ZNF84: variants seen among roughly 807,000 people sequenced by gnomAD.
The protein encoded by ZNF84 is zinc finger protein 84, also known as zinc finger protein HPF2.
A neutral mutation model predicts 14.8 loss-of-function variants in ZNF84; 12 were observed. The ratio of observed to expected loss-of-function variants is 0.81; its 90% confidence interval spans 0.52 to 1.31. ZNF84 has a LOEUF of 1.31. ZNF84 is among the 50% of genes most tolerant of loss of function. ZNF84 has a pLI of 0.00. For missense variants in ZNF84, 859 were observed against 878.6 expected, an observed-to-expected ratio of 0.98 and a Z score of 0.28; for synonymous variants, 347 against 291.1, an observed-to-expected ratio of 1.19 and a Z score of -1.96.
intron 2 of ZNF84, among the ~76,000 whole-genome samples, chr12:133,046,936 ATATT>A (rs1321897791): frequency 3.5e-5 from 5 of 141,516 alleles, no homozygotes; most frequent in African/African-American, 1.0e-4. Flanking sequence ...TTTTAATATA[ATATT>A]TATATTATAT....
At position 133,058,206 on chromosome 12, in the gene ZNF84, T is replaced by G; in HGVS notation, c.1491T>G (p.Ser497Arg). 6.2e-7 allele frequency: 1 copy of G among 1,612,590 alleles called. No individual in the cohort carries two copies. Among genetic ancestry groups the G allele is most frequent in the Non-Finnish European group, 8.5e-7 (1 of 1,179,656 alleles). Residue 497 changes from serine (S) to arginine (R), a missense_variant, in exon 5 of 5, where the codon AGT becomes AGG. Transcript: ENST00000539354. Reference sequence around the variant, plus strand: ...GCAGTGAGTGTGGGAAAGCTTTCAGTGAAAAATTAAGTCTCACTAATCATC... The same window carrying G: ...GCAGTGAGTGTGGGAAAGCTTTCAGGGAAAAATTAAGTCTCACTAATCATC... ...YECSECGKAFSEKLSLTNHQR... is the reference protein window; with the variant it reads ...YECSECGKAFREKLSLTNHQR...
intron 2 of ZNF84, among the ~76,000 whole-genome samples, chr12:133,047,420 C>G (rs2137365183): frequency 6.6e-6 from 1 of 152,358 alleles, no homozygotes; most frequent in East Asian, 1.9e-4. Context: ...TGCCCAGCAG[C>G]TGCCTGTCCA....
At position 133,062,790 on chromosome 12, in the gene ZNF84, T is replaced by A. The variant is rs972649863; in HGVS notation, c.*3858T>A. ...TAAACCAATGCCTATCTATCTATCA[T>A]TTCTGAAAACTTTTTCCTCCTATGC... On this transcript the variant is annotated 3_prime_UTR_variant, in exon 5 of 5. Coordinates refer to ENST00000539354, the MANE Select transcript of ZNF84 (RefSeq NM_001289971.2). 24 of 361,316 alleles carry A rather than the reference T, an allele frequency of 6.6e-5. No homozygotes were observed. The highest frequency in any genetic ancestry group is 4.1e-4 in the African/African-American group (20 of 49,376). The allele number at this position is 361,316 out of a possible 1,614,324, so 22.4% of individuals were successfully genotyped here.
At position 133,048,981 on chromosome 12, in the gene ZNF84, CATT is replaced by C. The variant is rs1212739771; in HGVS notation, c.238+134_238+136del. The C allele has an allele frequency of 3.4e-4, 217 of 640,080 alleles. 1 individual carries two copies. In the East Asian group the frequency reaches 6.1e-3, roughly 18 times the overall value. 39.7% of individuals were successfully genotyped at this position (640,080 alleles called of 1,614,324 possible). On this transcript the variant is annotated intron_variant, in intron 4 of 4. Transcript: ENST00000539354. The stretch of plus-strand genomic sequence containing the variant: ...GCTGGTCAGTGACGGGTGGGCTGGT[CATT>C]GATGGGTTGGCTGGTCAGTGATGGG...
At chr12:133,049,808 T>A (rs2137378492) in intron 4 of ZNF84, among the ~76,000 whole-genome samples, 1 of 152,306 alleles carries the variant, frequency 6.6e-6, no homozygotes, top group African/African-American at 2.4e-5. Context: ...TCCTTTCATG[T>A]TGTTTAAAAA....
chr12:133,048,706 A>T (rs117830307), intron 3 of ZNF84, 47 bp from the exon 4 acceptor site: 189,877 of 1,498,708 alleles, frequency 0.13, 13,393 homozygotes, highest in South Asian at 0.2. Flanking sequence ...GAGGCCCTAA[A>T]CCCCAAGCAG....
At position 133,047,891 on chromosome 12, in the gene ZNF84, A is replaced by G. The variant is rs983544200; in HGVS notation, c.16-64A>G. ...ATGAGAATGAAGTGCTAAAGCTCCA[A>G]TATTTTTTTCTCACATCATACGGTG... On this transcript the variant is annotated intron_variant, in intron 2 of 4. Transcript: ENST00000539354. 204 of 1,576,712 alleles carry G rather than the reference A, an allele frequency of 1.3e-4. 4 individuals carry two copies. The African/African-American group carries it at 1.6e-3, about 12-fold the overall frequency.
chr12:133,054,595 GA>G (rs1954120486), intron 4 of ZNF84, among the ~76,000 whole-genome samples: 1 of 145,808 alleles, frequency 6.9e-6, no homozygotes, highest in Admixed American at 7.1e-5. Flanking sequence ...ATATGGTTTT[GA>G]AAATGTGTTG....
Position 133,058,490 on chromosome 12 carries a change from T to G in ZNF84, c.1775T>G (p.Ile592Ser). 2 of 1,614,044 alleles carry G rather than the reference T, an allele frequency of 1.2e-6. No individual in the cohort carries two copies. The highest frequency in any genetic ancestry group is 1.7e-6 in the Non-Finnish European group (2 of 1,180,008). The change falls in exon 5 of 5, where the codon ATT (isoleucine) becomes AGT (serine). Residue 592 changes from isoleucine to serine, a missense_variant. Physicochemically the swap from Ile to Ser is moderately radical, Grantham distance 142. Coordinates refer to ENST00000539354, the MANE Select transcript of ZNF84 (RefSeq NM_001289971.2). ...QKSQLNTHQR[I>S]HTGEKPYECS... ...TCACAGCTAAATACCCATCAGAGAA[T>G]TCACACTGGAGAGAAACCCTATGAA...
intron 2 of ZNF84, among the ~76,000 whole-genome samples, chr12:133,043,994 C>G (rs1953933969): frequency 6.6e-6 from 1 of 151,354 alleles, no homozygotes; most frequent in Non-Finnish European, 1.5e-5. Context: ...GAACTCCTGA[C>G]CTTGTGATCC....
chr12:133,060,026 A>C lies in ZNF84; in HGVS notation c.*1094A>C, dbSNP rs1017983622. 1 of 152,220 alleles carries C rather than the reference A, an allele frequency of 6.6e-6. No homozygotes were observed. Among genetic ancestry groups the C allele is most frequent in the South Asian group, 2.1e-4 (1 of 4,834 alleles). 9.4% of individuals were successfully genotyped at this position (152,220 alleles called of 1,614,324 possible). ...ATATATAACTGAATGAGCAAAATAA[A>C]GGTGTGTGAACTACATTACAACACC... is the stretch of plus-strand genomic sequence containing the variant. On this transcript the variant is annotated 3_prime_UTR_variant, in exon 5 of 5. Transcript: ENST00000539354.
At chr12:133,056,233 A>G (rs1954155636) in intron 4 of ZNF84, among the ~76,000 whole-genome samples, 1 of 152,084 alleles carries the variant, frequency 6.6e-6, no homozygotes, top group African/African-American at 2.4e-5. Flanking sequence ...TTTTATAATG[A>G]CAGGAACTTA....
chr12:133,047,873 T>C, intron 2 of ZNF84, 82 bp from the exon 3 acceptor site: 2 of 1,499,524 alleles, frequency 1.3e-6, no homozygotes, highest in Non-Finnish European at 1.8e-6. Flanking sequence ...GTTATGAGAA[T>C]GAAGTGCTAA....
At chr12:133,042,802 A>G (rs968140118) in intron 2 of ZNF84, among the ~76,000 whole-genome samples, 3 of 152,262 alleles carry the variant, frequency 2.0e-5, no homozygotes, top group African/African-American at 7.2e-5. Flanking sequence ...TACATGCAGA[A>G]AAGTATGTTT....
At chr12:133,052,323 A>G (rs1168001540) in intron 4 of ZNF84, among the ~76,000 whole-genome samples, 3 of 151,946 alleles carry the variant, frequency 2.0e-5, no homozygotes, top group African/African-American at 7.3e-5. Context: ...GAGAGAGAGA[A>G]GAGATCTCTT....
In ZNF84 at chr12:133,059,968, T is replaced by C. The variant is rs1336342070; in HGVS notation, c.*1036T>C. On this transcript the variant is annotated 3_prime_UTR_variant, in exon 5 of 5. Coordinates refer to ENST00000539354, the MANE Select transcript of ZNF84 (RefSeq NM_001289971.2). The stretch of plus-strand genomic sequence containing the variant: ...AGTAACAGTTTATATAAAATAAATA[T>C]GCAAAGGCAGGAACCACAGAATAAC... 6.6e-6 allele frequency: 1 copy of C among 152,176 alleles called. No individual in the cohort carries two copies. The highest frequency in any genetic ancestry group is 1.9e-4 in the East Asian group (1 of 5,202). 9.4% of individuals were successfully genotyped at this position (152,176 alleles called of 1,614,324 possible). A position where few individuals can be genotyped will look rare whatever the true frequency, so the allele number is the denominator to read the frequency against.
In ZNF84 at chr12:133,041,481, A is replaced by T. The variant is rs1482442703; in HGVS notation, c.14A>T (p.Gln5Leu). The T allele has an allele frequency of 4.3e-6, 7 of 1,614,042 alleles. No homozygotes were observed. In the East Asian group the frequency reaches 1.3e-4, roughly 31 times the overall value. ...CAGCAGCAGAAAATGACCATGTTAC[A>T]GGTGAGTTGATTGTTGAGTTCTTAT... is the stretch of plus-strand genomic sequence containing the variant. MTMLQESFSFDDLSV... is the reference protein window; with the variant it reads MTMLLESFSFDDLSV... The change falls in exon 2 of 5, where the codon CAG (glutamine) becomes CTG (leucine). Residue 5 changes from glutamine (Q) to leucine (L), a missense_variant and splice_region_variant. Transcript: ENST00000539354.
chr12:133,052,448 C>T (rs1437847584), intron 4 of ZNF84, among the ~76,000 whole-genome samples: 6 of 152,042 alleles, frequency 3.9e-5, no homozygotes, highest in African/African-American at 7.2e-5. Flanking sequence ...CTCAAGTGAT[C>T]CCCCCAAGCA....
At position 133,058,139 on chromosome 12, in the gene ZNF84, T is replaced by G. The variant is rs1007369699; in HGVS notation, c.1424T>G (p.Val475Gly). ...GKAFSRKSQL[V>G]RHQRTHTGEK... ...GCCTTCAGCAGGAAATCACAGCTCG[T>G]TAGACATCAGAGAACTCATACGGGA... Residue 475 changes from valine to glycine, a missense_variant, in exon 5 of 5, where the codon GTT becomes GGT. Transcript: ENST00000539354. The G allele has an allele frequency of 7.4e-5, 119 of 1,613,856 alleles. No individual in the cohort carries two copies. Among genetic ancestry groups the G allele is most frequent in the Non-Finnish European group, 9.1e-5 (107 of 1,180,028 alleles).
Sources: allele counts gnomAD v4.1 joint callset (sites outside exome capture counted in the v4.1 genomes callset), GRCh38; gene constraint gnomAD v4.1.1; transcripts MANE v1.5; gene names NCBI Gene and HGNC (gene_info 2026-07-23, HGNC 2026-07-21).